The following TMEM132B variants were observed in gnomAD, a reference collection of about 807,000 sequenced individuals.
TMEM132B encodes transmembrane protein 132B.
In TMEM132B, 18 loss-of-function variants were observed where a neutral mutation model predicts 90.8. That is an observed-to-expected ratio of 0.20 (90% CI 0.14 to 0.29). The LOEUF is 0.29. TMEM132B is among the 10% of genes least tolerant of loss of function. The pLI, the probability that TMEM132B is intolerant of heterozygous loss-of-function variation, is 1.00. For missense variants in TMEM132B, 1,096 were observed against 1,326.8 expected, an observed-to-expected ratio of 0.83 and a Z score of 2.70; for synonymous variants, 504 against 523.3, an observed-to-expected ratio of 0.96 and a Z score of 0.50.
At chr12:125,211,554 C>T (rs1184016238) in intron 1 of TMEM132B, among the ~76,000 whole-genome samples, 3 of 152,118 alleles carry the variant, frequency 2.0e-5, no homozygotes, top group Non-Finnish European at 4.4e-5. Context: ...GAACAGTGGC[C>T]TGGAGGCTGA....
intron 1 of TMEM132B, among the ~76,000 whole-genome samples, chr12:125,289,130 T>G (rs7977417): frequency 6.6e-6 from 1 of 152,138 alleles, no homozygotes; most frequent in Non-Finnish European, 1.5e-5. Context: ...GTGTGTCTTG[T>G]ACTTCTGGCT....
At chr12:125,409,107 A>G (rs1879606665) in intron 2 of TMEM132B, among the ~76,000 whole-genome samples, 1 of 152,008 alleles carries the variant, frequency 6.6e-6, no homozygotes, top group African/African-American at 2.4e-5. Flanking sequence ...GCTCACAGGT[A>G]CTCTCCTCAG....
At chr12:125,605,592 A>C (rs1014063854) in intron 5 of TMEM132B, among the ~76,000 whole-genome samples, 6 of 151,928 alleles carry the variant, frequency 3.9e-5, no homozygotes, top group Non-Finnish European at 7.4e-5. Flanking sequence ...AGTATGAAAA[A>C]TCTCTCCTCT....
At chr12:125,637,619 T>G (rs748471229) in intron 5 of TMEM132B, among the ~76,000 whole-genome samples, 6 of 151,700 alleles carry the variant, frequency 4.0e-5, no homozygotes, top group Non-Finnish European at 5.9e-5. Context: ...AGGTCATAGG[T>G]AAATAAGAGA....
At chr12:125,262,424 G>T (rs1245922487) in intron 1 of TMEM132B, among the ~76,000 whole-genome samples, 1 of 152,098 alleles carries the variant, frequency 6.6e-6, no homozygotes, top group Non-Finnish European at 1.5e-5. Context: ...CTCATAAATA[G>T]CTGTATTTTT....
At chr12:125,517,360 T>TGCA (rs1281241738) in intron 3 of TMEM132B, among the ~76,000 whole-genome samples, 2 of 89,648 alleles carry the variant, frequency 2.2e-5, no homozygotes, top group African/African-American at 5.8e-5. Flanking sequence ...TTTTTTTTTT[T>TGCA]TTTTTGCATT....
intron 5 of TMEM132B, among the ~76,000 whole-genome samples, chr12:125,618,080 T>A (rs1212003543): frequency 6.6e-6 from 1 of 152,156 alleles, no homozygotes; most frequent in Non-Finnish European, 1.5e-5. Context: ...TATGACCTGC[T>A]CCTCTTCCTT....
chr12:125,444,907 G>A (rs933925250), intron 3 of TMEM132B, among the ~76,000 whole-genome samples: 4 of 152,078 alleles, frequency 2.6e-5, no homozygotes, highest in Non-Finnish European at 4.4e-5. Context: ...GCTGCTGCCC[G>A]AGAATTTCCA....
intron 3 of TMEM132B, among the ~76,000 whole-genome samples, chr12:125,479,854 G>C (rs1478175189): frequency 6.6e-6 from 1 of 152,146 alleles, no homozygotes; most frequent in African/African-American, 2.4e-5. Context: ...CCACATAGTT[G>C]GAAGTAAAAC....
intron 5 of TMEM132B, chr12:125,586,825 A>G (rs545950656): frequency 6.6e-6 from 1 of 152,228 alleles, no homozygotes; most frequent in African/African-American, 2.4e-5. Context: ...TGCTTCTTTT[A>G]AGTGAAAAGG....
chr12:125,269,617 G>A (rs1346063788), intron 1 of TMEM132B, among the ~76,000 whole-genome samples: 1 of 152,058 alleles, frequency 6.6e-6, no homozygotes, highest in Non-Finnish European at 1.5e-5. Flanking sequence ...CCTGGTGTCC[G>A]GGGATCATCC....
intron 1 of TMEM132B, among the ~76,000 whole-genome samples, chr12:125,269,931 A>G (rs1189986279): frequency 1.3e-5 from 2 of 152,008 alleles, no homozygotes; most frequent in East Asian, 3.9e-4. Context: ...CATTCCAGGT[A>G]GCAGGAAATG....
intron 2 of TMEM132B, among the ~76,000 whole-genome samples, chr12:125,358,274 G>C (rs571478275): frequency 3.3e-5 from 5 of 152,110 alleles, no homozygotes; most frequent in Non-Finnish European, 7.4e-5. Context: ...AAATTTTTTA[G>C]CTTTTTATTT....
intron 5 of TMEM132B, among the ~76,000 whole-genome samples, chr12:125,632,908 T>A (rs1886399146): frequency 6.6e-6 from 1 of 152,122 alleles, no homozygotes; most frequent in Non-Finnish European, 1.5e-5. Flanking sequence ...TTTATAACCT[T>A]CTTGTACTTG....
chr12:125,248,768 G>C (rs1432136144), intron 1 of TMEM132B, among the ~76,000 whole-genome samples: 1 of 152,196 alleles, frequency 6.6e-6, no homozygotes, highest in African/African-American at 2.4e-5. Flanking sequence ...TGTCTGCCCA[G>C]TTGTAGTCGA....
chr12:125,595,271 G>C (rs187086522), intron 5 of TMEM132B, among the ~76,000 whole-genome samples: 7 of 152,280 alleles, frequency 4.6e-5, no homozygotes, highest in Non-Finnish European at 1.0e-4. Flanking sequence ...CATGAGTTAG[G>C]TGCTCTATGA....
intron 3 of TMEM132B, among the ~76,000 whole-genome samples, chr12:125,476,328 A>G (rs896400929): frequency 6.6e-6 from 1 of 152,094 alleles, no homozygotes. Context: ...CTTGATAACC[A>G]CCAACCTGCA....
intron 2 of TMEM132B, among the ~76,000 whole-genome samples, chr12:125,411,017 GGAGT>G (rs1307753191): frequency 0.024 from 16 of 670 alleles, 3 homozygotes; most frequent in East Asian, 0.062. Flanking sequence ...TGAGTGGAGT[GGAGT>G]GAGTGGAGTG....
At chr12:125,241,753 T>C (rs1874073614) in intron 1 of TMEM132B, among the ~76,000 whole-genome samples, 1 of 152,220 alleles carries the variant, frequency 6.6e-6, no homozygotes, top group African/African-American at 2.4e-5. Context: ...CCATGGCGAT[T>C]TGTCATGGCA....
Sources: allele counts gnomAD v4.1 joint callset (sites outside exome capture counted in the v4.1 genomes callset), GRCh38; gene constraint gnomAD v4.1.1; transcripts MANE v1.5; gene names NCBI Gene and HGNC (gene_info 2026-07-23, HGNC 2026-07-21).